The following PCDH15 variants were observed in gnomAD, a reference collection of about 807,000 sequenced individuals.
PCDH15 encodes protocadherin-15.
Under a neutral mutation model 178.5 loss-of-function variants are expected in PCDH15, and 129 were observed. The ratio of observed to expected loss-of-function variants is 0.72; its 90% CI spans 0.63 to 0.84. PCDH15 has a LOEUF of 0.84. Ranked by LOEUF, PCDH15 falls within the 40% of genes least tolerant of loss-of-function variation. PCDH15 has a pLI of 0.00. For missense variants in PCDH15, 2,230 were observed against 2,099.9 expected (o/e 1.06, Z -1.21); for synonymous variants, 800 against 732.0 (o/e 1.09, Z -1.50).
chr10:54,556,661 T>C (rs2133281580), intron 2 of PCDH15, among the ~76,000 whole-genome samples: 1 of 151,560 alleles, frequency 6.6e-6, no homozygotes, highest in African/African-American at 2.4e-5. Flanking sequence ...TGAATTTTTT[T>C]TTTTTTTCAG....
chr10:54,147,531 T>C (rs1360257799), intron 14 of PCDH15, among the ~76,000 whole-genome samples: 1 of 151,918 alleles, frequency 6.6e-6, no homozygotes. Flanking sequence ...AAGATCTCAT[T>C]CATTAAATAA....
chr10:55,322,167 T>C (rs1843918169), upstream of PCDH15, among the ~76,000 whole-genome samples: 1 of 152,194 alleles, frequency 6.6e-6, no homozygotes, highest in Non-Finnish European at 1.5e-5. Context: ...TGAGGTCTGA[T>C]GGTTTTATAA....
chr10:53,824,616 G>A (rs1047577615), intron 32 of PCDH15, among the ~76,000 whole-genome samples: 3 of 151,994 alleles, frequency 2.0e-5, no homozygotes, highest in African/African-American at 7.2e-5. Flanking sequence ...CAGACAATCT[G>A]GACTAATCAG....
chr10:55,498,030 T>A (rs1481890882), intron 2 of PCDH15, among the ~76,000 whole-genome samples: 2 of 151,892 alleles, frequency 1.3e-5, no homozygotes, highest in East Asian at 3.9e-4. Context: ...GCTTCATTAA[T>A]GTTTATGCTT....
chr10:55,166,249 T>C (rs1839193668), intron 2 of PCDH15, among the ~76,000 whole-genome samples: 1 of 152,130 alleles, frequency 6.6e-6, no homozygotes, highest in African/African-American at 2.4e-5. Flanking sequence ...GCCAGAATGT[T>C]CTCTCCAAGA....
chr10:54,666,880 A>G (rs1054507311), intron 1 of PCDH15, among the ~76,000 whole-genome samples: 2 of 151,984 alleles, frequency 1.3e-5, no homozygotes, highest in East Asian at 3.9e-4. Flanking sequence ...TTTTATTCCT[A>G]ACTGAAGCTA....
At chr10:54,637,982 C>T (rs918693562) in intron 2 of PCDH15, among the ~76,000 whole-genome samples, 1 of 152,028 alleles carries the variant, frequency 6.6e-6, no homozygotes, top group Non-Finnish European at 1.5e-5. Context: ...AGTACAGTCT[C>T]TTAAAATAAT....
At chr10:53,884,504 A>G (rs1589242801) in intron 26 of PCDH15, among the ~76,000 whole-genome samples, 1 of 152,162 alleles carries the variant, frequency 6.6e-6, no homozygotes, top group Non-Finnish European at 1.5e-5. Context: ...CAAAAAACTG[A>G]CTGTACTGAG....
rs553218277 is a variant in PCDH15, at chr10:54,912,314, G to T, written c.-79-14814C>A. Reference sequence around the variant, plus strand: ...TCCTACCCAAATCTCATGTTAAATTGTAATTTCCAGTGTTGGAGGGCCTTG... The same window carrying T: ...TCCTACCCAAATCTCATGTTAAATTTTAATTTCCAGTGTTGGAGGGCCTTG... On this transcript the variant is annotated intron_variant, in intron 2 of 5. Transcript: ENST00000458638. Among the ~76,000 whole-genome samples the T allele has an allele frequency of 4.5e-4, 68 of 151,928 alleles. No individual in the cohort carries two copies. In the South Asian group the frequency reaches 1.0e-2, roughly 22 times the overall value.
chr10:54,272,723 T>C (rs963070507), intron 8 of PCDH15, among the ~76,000 whole-genome samples: 1 of 152,090 alleles, frequency 6.6e-6, no homozygotes, highest in Non-Finnish European at 1.5e-5. Context: ...ACCAACTCCT[T>C]CCCTTGACTG....
At chr10:54,614,138 C>T (rs1054890983) in intron 2 of PCDH15, among the ~76,000 whole-genome samples, 19 of 151,744 alleles carry the variant, frequency 1.3e-4, no homozygotes, top group African/African-American at 4.1e-4. Flanking sequence ...ATACACTAGA[C>T]CTATATGCAC....
At position 55,400,367 on chromosome 10, in the gene PCDH15, A is replaced by G. The variant is rs150123451; in HGVS notation, c.-156+227258T>C. ...TGGACAAGTTATAGGAGTGAAAAAT[A>G]AAACTTACTTTAAGCCACTAAAGGT... On this transcript the variant is annotated intron_variant, in intron 2 of 5. Coordinates refer to the PCDH15 transcript ENST00000613346. Among the ~76,000 whole-genome samples, 270 of 152,304 alleles carry G rather than the reference A, an allele frequency of 1.8e-3. 2 individuals carry two copies. Among genetic ancestry groups the G allele is most frequent in the African/African-American group, 6.4e-3 (266 of 41,574 alleles).
At chr10:53,833,159 C>T (rs781029266) in intron 29 of PCDH15, among the ~76,000 whole-genome samples, 1 of 151,874 alleles carries the variant, frequency 6.6e-6, no homozygotes. Flanking sequence ...ATTATTAGAA[C>T]AAGGAAGAAT....
chr10:54,057,676 T>C (rs1179621418), intron 18 of PCDH15, among the ~76,000 whole-genome samples: 4 of 152,180 alleles, frequency 2.6e-5, no homozygotes, highest in African/African-American at 9.7e-5. Context: ...CCCATTGTCT[T>C]GGTGATTAGC....
chr10:55,096,905 T>C lies in PCDH15; in HGVS notation c.-80+69671A>G, dbSNP rs187782947. 3.2e-3 allele frequency among the ~76,000 whole-genome samples: 482 copies of C among 152,224 alleles called. 2 individuals carry two copies. The highest frequency in any genetic ancestry group is 4.6e-3 in the Non-Finnish European group (312 of 67,982). On this transcript the variant is annotated intron_variant, in intron 2 of 5. Coordinates refer to the PCDH15 transcript ENST00000458638. ...TTCCAGTATCAGTTAAATTTACACATGAAAATAAAACAAATATTTCAACTG... is the reference window on the plus strand; with the variant it reads ...TTCCAGTATCAGTTAAATTTACACACGAAAATAAAACAAATATTTCAACTG...
upstream of PCDH15, among the ~76,000 whole-genome samples, chr10:54,803,886 TAC>T (rs1952731572): frequency 6.6e-6 from 1 of 152,214 alleles, no homozygotes; most frequent in Non-Finnish European, 1.5e-5. Flanking sequence ...AGTCACATAA[TAC>T]AGTTTAAAAA....
chr10:54,165,186 A>AGTG (rs749968761), intron 13 of PCDH15, among the ~76,000 whole-genome samples: 5 of 139,282 alleles, frequency 3.6e-5, no homozygotes, highest in Non-Finnish European at 7.7e-5. Context: ...GATGCTTTAA[A>AGTG]GCCAAAAAGC....
chr10:55,613,017 ATTTTTTTTTTT>A (rs34403286), intron 2 of PCDH15, among the ~76,000 whole-genome samples: 1 of 82,388 alleles, frequency 1.2e-5, no homozygotes, highest in Non-Finnish European at 2.4e-5. Context: ...TACTAGCCAG[ATTTTTTTTTTT>A]TTTTTTTTTT....
chr10:55,471,025 T>C (rs556608040), intron 2 of PCDH15, among the ~76,000 whole-genome samples: 3 of 152,300 alleles, frequency 2.0e-5, no homozygotes, highest in African/African-American at 7.2e-5. Flanking sequence ...TAATATTCTG[T>C]TATATGGATA....
Sources: allele counts gnomAD v4.1 joint callset (sites outside exome capture counted in the v4.1 genomes callset), GRCh38; gene constraint gnomAD v4.1.1; transcripts MANE v1.5; gene names NCBI Gene and HGNC (gene_info 2026-07-23, HGNC 2026-07-21).